The following DPP10 variants were observed in gnomAD, a reference collection of about 807,000 sequenced individuals.
DPP10 encodes the protein inactive dipeptidyl peptidase 10.
DPP10 carries 33 observed loss-of-function variants against 120.9 expected under a neutral mutation model. The ratio of observed to expected loss-of-function variants is 0.27; its 90% CI spans 0.21 to 0.37. DPP10 has a LOEUF of 0.37. DPP10 is among the 10% of genes least tolerant of loss of function. The probability of loss-of-function intolerance (pLI) is 1.00; values close to 1 mark genes in which losing one functional copy is unlikely to be tolerated. For synonymous variants in DPP10, 337 were observed against 326.1 expected (o/e 1.03, Z -0.36); for missense variants, 816 against 942.8 (o/e 0.87, Z 1.76).
chr2:114,682,770 GTCTATCTATCTATCTATCTATCTA>G lies in DPP10; in HGVS notation c.60+239953_60+239976del, dbSNP rs72471562. Among the ~76,000 whole-genome samples, 42 of 149,596 alleles carry G rather than the reference GTCTATCTATCTATCTATCTATCTA, an allele frequency of 2.8e-4. 1 individual carries two copies. In the South Asian group the frequency reaches 8.1e-3, roughly 29 times the overall value. ...TATCTATCTATCTATCTATCTGTCTGTCTATCTATCTATCTATCTATCTATCTATCTATCTATCTATCTAGATAT... is the reference window on the plus strand; with the variant it reads ...TATCTATCTATCTATCTATCTGTCTGTCTATCTATCTATCTATCTAGATAT... On this transcript the variant is annotated intron_variant, in intron 1 of 25. Coordinates refer to ENST00000410059, the MANE Select transcript of DPP10 (RefSeq NM_020868.6).
At chr2:114,880,772 A>C (rs992127587) in intron 1 of DPP10, among the ~76,000 whole-genome samples, 1 of 152,168 alleles carries the variant, frequency 6.6e-6, no homozygotes, top group Non-Finnish European at 1.5e-5. Context: ...ATTTAATTAC[A>C]AAAGTAAAAA....
At chr2:114,605,502 G>A (rs1321316552) in intron 1 of DPP10, among the ~76,000 whole-genome samples, 1 of 152,032 alleles carries the variant, frequency 6.6e-6, no homozygotes, top group Non-Finnish European at 1.5e-5. Context: ...TTTATTGTAA[G>A]AATATAGTAT....
intron 1 of DPP10, among the ~76,000 whole-genome samples, chr2:114,444,865 C>T (rs1482860367): frequency 1.3e-5 from 2 of 152,034 alleles, no homozygotes; most frequent in Admixed American, 6.6e-5. Flanking sequence ...TATATATAGT[C>T]GCAAGCACTG....
intron 1 of DPP10, among the ~76,000 whole-genome samples, chr2:115,106,163 CT>C (rs888293827): frequency 1.3e-5 from 2 of 152,158 alleles, no homozygotes; most frequent in African/African-American, 2.4e-5. Context: ...TGCTATTCTT[CT>C]TGTCAATGCC....
chr2:115,607,048 C>T (rs562709451), intron 5 of DPP10, among the ~76,000 whole-genome samples: 65 of 152,082 alleles, frequency 4.3e-4, no homozygotes, highest in African/African-American at 1.5e-3. Flanking sequence ...GGCAAGGATC[C>T]TAGGAAGAAA....
chr2:114,631,840 A>C lies in DPP10; in HGVS notation c.60+189002A>C, dbSNP rs145834976. On this transcript the variant is annotated intron_variant, in intron 1 of 25. Transcript: ENST00000410059. ...ATATGCAAAATTTCCCAAATGTTGCACCAGTGTCTTTGTAGCTGTTGTCAT... is the reference window on the plus strand; with the variant it reads ...ATATGCAAAATTTCCCAAATGTTGCCCCAGTGTCTTTGTAGCTGTTGTCAT... 6.6e-4 allele frequency among the ~76,000 whole-genome samples: 100 copies of C among 152,310 alleles called. No homozygotes were observed. The East Asian group carries it at 0.018, about 28-fold the overall frequency.
intron 7 of DPP10, among the ~76,000 whole-genome samples, chr2:115,719,374 G>A (rs945036005): frequency 6.6e-6 from 1 of 152,126 alleles, no homozygotes; most frequent in Non-Finnish European, 1.5e-5. Context: ...CAAATGTCAA[G>A]GGATGAGAGT....
rs117125246 is a variant in DPP10 at position 115,693,008 on chromosome 2, C to T, written c.576+3087C>T. ...TACAAACAACCCTGCATTCACTGTCCTTTCCACACTAAATGGTTGAATAAT... is the reference window on the plus strand; with the variant it reads ...TACAAACAACCCTGCATTCACTGTCTTTTCCACACTAAATGGTTGAATAAT... On this transcript the variant is annotated intron_variant, in intron 7 of 25. Coordinates refer to ENST00000410059, the MANE Select transcript of DPP10 (RefSeq NM_020868.6). 8.9e-4 allele frequency among the ~76,000 whole-genome samples: 136 copies of T among 152,172 alleles called. 1 individual carries two copies. In the East Asian group the frequency reaches 0.024, roughly 27 times the overall value.
At chr2:115,508,241 A>G (rs2077050116) in intron 4 of DPP10, among the ~76,000 whole-genome samples, 1 of 152,154 alleles carries the variant, frequency 6.6e-6, no homozygotes, top group Non-Finnish European at 1.5e-5. Context: ...GGGGCTTAAA[A>G]TATATTATAT....
At chr2:115,619,868 TGAAC>T (rs2084815211) in intron 5 of DPP10, among the ~76,000 whole-genome samples, 1 of 152,208 alleles carries the variant, frequency 6.6e-6, no homozygotes, top group Admixed American at 6.5e-5. Flanking sequence ...TTTGAGTAGA[TGAAC>T]GAGTGATTTA....
intron 1 of DPP10, among the ~76,000 whole-genome samples, chr2:115,304,884 G>A (rs1323649006): frequency 6.6e-6 from 1 of 151,976 alleles, no homozygotes. Flanking sequence ...TATCTTTATA[G>A]TGGTAAGCCT....
At position 115,731,354 on chromosome 2, in the gene DPP10, CA is replaced by C. The variant is rs112707633; in HGVS notation, c.697+3432del. Among the ~76,000 whole-genome samples the C allele has an allele frequency of 3.5e-3, 396 of 112,026 alleles. 1 individual carries two copies. The highest frequency in any genetic ancestry group is 9.4e-3 in the African/African-American group (275 of 29,378). 73.5% of individuals were successfully genotyped at this position (112,026 alleles called of 152,430 possible). A position where few individuals can be genotyped will look rare whatever the true frequency, so the allele number is the denominator to read the frequency against. On this transcript the variant is annotated intron_variant, in intron 8 of 25. Transcript: ENST00000410059. ...CTGGTGACAGAGCAAGACTCTGTCT[CA>C]AAAAAAAAAAAAATTTAACTGGGTG...
chr2:115,821,783 T>G (rs1450527219), intron 21 of DPP10, among the ~76,000 whole-genome samples: 1 of 152,064 alleles, frequency 6.6e-6, no homozygotes, highest in Non-Finnish European at 1.5e-5. Context: ...TCCATTCACC[T>G]ACGGATGAAC....
intron 1 of DPP10, among the ~76,000 whole-genome samples, chr2:115,102,743 C>CT (rs1190836852): frequency 1.4e-5 from 2 of 139,516 alleles, no homozygotes; most frequent in Non-Finnish European, 3.2e-5. Flanking sequence ...CCTTCATTGA[C>CT]TGAAAAAAAA....
chr2:115,581,932 CTA>C (rs1267803244), intron 5 of DPP10, among the ~76,000 whole-genome samples: 2 of 152,154 alleles, frequency 1.3e-5, no homozygotes, highest in African/African-American at 4.8e-5. Context: ...TGTAGCAACT[CTA>C]TTCTTGCCTT....
intron 2 of DPP10, among the ~76,000 whole-genome samples, chr2:115,342,752 C>G (rs901237869): frequency 1.3e-5 from 2 of 152,136 alleles, no homozygotes; most frequent in Non-Finnish European, 2.9e-5. Flanking sequence ...ATGTCTTATG[C>G]TAAAATTATA....
intron 1 of DPP10, among the ~76,000 whole-genome samples, chr2:114,761,624 G>A (rs1253238512): frequency 6.6e-6 from 1 of 152,132 alleles, no homozygotes; most frequent in Non-Finnish European, 1.5e-5. Context: ...ACCCCCAGGG[G>A]ACTTGAGGAG....
Position 115,716,531 on chromosome 2 carries a change from G to A in DPP10, c.577-11285G>A, listed in dbSNP as rs569688252. On this transcript the variant is annotated intron_variant, in intron 7 of 25. Transcript: ENST00000410059. ...TCCTAAGTTATGCTTGAATTTAAGT[G>A]ATTCTCATCCTCAGTCATCATGGGT... Among the ~76,000 whole-genome samples the A allele has an allele frequency of 1.0e-3, 155 of 152,208 alleles. 1 individual carries two copies. The highest frequency in any genetic ancestry group is 3.5e-3 in the African/African-American group (144 of 41,528).
intron 3 of DPP10, chr2:115,469,051 G>GATTCTCCTTCCTCAGCCTCCCA: frequency 2.1e-5 from 4 of 186,482 alleles, no homozygotes; most frequent in Non-Finnish European, 4.4e-5. Flanking sequence ...TCCACCTCCT[G>GATTCTCCTTCCTCAGCCTCCCA]AGTAGCTGGG....
Sources: allele counts gnomAD v4.1 joint callset (sites outside exome capture counted in the v4.1 genomes callset), GRCh38; gene constraint gnomAD v4.1.1; transcripts MANE v1.5; gene names NCBI Gene and HGNC (gene_info 2026-07-23, HGNC 2026-07-21).